The following KLHDC2 variants were observed in gnomAD, a reference collection of about 807,000 sequenced individuals.
KLHDC2 encodes the protein kelch domain-containing protein 2.
Under a neutral mutation model 62.3 loss-of-function variants are expected in KLHDC2, and 38 were observed. The ratio of observed to expected loss-of-function variants is 0.61; its 90% CI spans 0.47 to 0.80. The LOEUF is 0.80. Ranked by LOEUF, KLHDC2 falls within the 30% of genes least tolerant of loss-of-function variation. KLHDC2 has a pLI of 0.00. For synonymous variants in KLHDC2, 159 were observed against 161.0 expected (o/e 0.99, Z 0.09); for missense variants, 430 against 495.3 (o/e 0.87, Z 1.25).
intron 1 of KLHDC2, among the ~76,000 whole-genome samples, chr14:49,770,309 C>G (rs1889636140): frequency 6.6e-6 from 1 of 152,142 alleles, no homozygotes; most frequent in African/African-American, 2.4e-5. Flanking sequence ...GAGATTGTTT[C>G]AAAGGCAATA....
intron 1 of KLHDC2, chr14:49,768,964 A>G: frequency 4.2e-6 from 1 of 240,784 alleles, no homozygotes; most frequent in Non-Finnish European, 8.0e-6. Context: ...GGGGTGTGAA[A>G]GGTGACGGTG....
At chr14:49,769,739 CCAGCCTGGCCAACAT>C (rs2139787530) in intron 1 of KLHDC2, among the ~76,000 whole-genome samples, 1 of 51,860 alleles carries the variant, frequency 1.9e-5, no homozygotes, top group Admixed American at 2.6e-4. Context: ...GAGCTCGAGA[CCAGCCTGGCCAACAT>C]AGTGAAACTC....
At position 49,784,561 on chromosome 14, in the gene KLHDC2, A is replaced by C. The variant is rs1479663106; in HGVS notation, c.*1608A>C. On this transcript the variant is annotated 3_prime_UTR_variant, in exon 13 of 13. Transcript: ENST00000298307. ...TTTTATAATGCGGAAATCCTGATAC[A>C]TGGTGCTTTCATCTTTGAACTTCCA... 1.0e-6 allele frequency: 1 copy of C among 973,124 alleles called. No individual in the cohort carries two copies. The highest frequency in any genetic ancestry group is 1.6e-6 in the Non-Finnish European group (1 of 621,176). 60.3% of individuals were successfully genotyped at this position (973,124 alleles called of 1,614,324 possible).
At chr14:49,776,457 T>C (rs554475490) in intron 3 of KLHDC2, among the ~76,000 whole-genome samples, 1 of 152,350 alleles carries the variant, frequency 6.6e-6, no homozygotes, top group South Asian at 2.1e-4. Flanking sequence ...GAATATTTAA[T>C]CTTTTAAGTA....
At position 49,785,284 on chromosome 14, in the gene KLHDC2, G is replaced by A. The variant is rs771825020; in HGVS notation, c.*2331G>A. ...ATGGCAAACAGTAGTACATCTTCAG[G>A]ATGTGGCTGGCCTGTCAAAGAATCA... is the stretch of plus-strand genomic sequence containing the variant. On this transcript the variant is annotated 3_prime_UTR_variant, in exon 13 of 13. Coordinates refer to ENST00000298307, the MANE Select transcript of KLHDC2 (RefSeq NM_014315.3). 2 of 1,613,956 alleles carry A rather than the reference G, an allele frequency of 1.2e-6. No homozygotes were observed. The highest frequency in any genetic ancestry group is 2.2e-5 in the South Asian group (2 of 91,078).
rs1285033797 is a variant in KLHDC2, at chr14:49,777,855, C to T, written c.368C>T (p.Ser123Leu). 1.3e-6 allele frequency: 2 copies of T among 1,586,478 alleles called. No homozygotes were observed. Among genetic ancestry groups the T allele is most frequent in the African/African-American group, 2.7e-5 (2 of 73,882 alleles). ...TTCTGACAGTTCTACATGCTGGATT[C>T]AAGGTCTACAGACAGAGTGTTACAG... ...GNTNKFYMLD[S>L]RSTDRVLQWE... Residue 123 changes from serine to leucine, a missense_variant, in exon 4 of 13, where the codon TCA becomes TTA. Coordinates refer to ENST00000298307, the MANE Select transcript of KLHDC2 (RefSeq NM_014315.3).
At chr14:49,772,847 T>G (rs1889692253) in intron 2 of KLHDC2, among the ~76,000 whole-genome samples, 1 of 152,102 alleles carries the variant, frequency 6.6e-6, no homozygotes, top group African/African-American at 2.4e-5. Context: ...TCCCAGCTAC[T>G]AGGGAGGCTG....
Position 49,786,322 on chromosome 14 carries a change from G to T in KLHDC2, c.*3369G>T. Reference sequence around the variant, plus strand: ...AGAAATCCCAGAGTTCTTATTTGCTGTGCTGCCTGTGAGATTGCCCCCATT... The same window carrying T: ...AGAAATCCCAGAGTTCTTATTTGCTTTGCTGCCTGTGAGATTGCCCCCATT... On this transcript the variant is annotated 3_prime_UTR_variant, in exon 13 of 13. Transcript: ENST00000298307. 5.6e-6 allele frequency: 1 copy of T among 180,070 alleles called. No individual in the cohort carries two copies. Among genetic ancestry groups the T allele is most frequent in the African/African-American group, 2.4e-5 (1 of 42,042 alleles). The allele number at this position is 180,070 out of a possible 1,614,324, so 11.2% of individuals were successfully genotyped here.
At chr14:49,781,374 A>C (rs1566638163) in intron 10 of KLHDC2, among the ~76,000 whole-genome samples, 3 of 151,862 alleles carry the variant, frequency 2.0e-5, no homozygotes, top group African/African-American at 7.3e-5. Context: ...TGTCTCAAAA[A>C]AAAAAAAAAA....
intron 6 of KLHDC2, among the ~76,000 whole-genome samples, chr14:49,779,168 A>G (rs550983191): frequency 6.6e-6 from 1 of 152,348 alleles, no homozygotes; most frequent in South Asian, 2.1e-4. Context: ...TCAAATTTTC[A>G]GATTTGGAGC....
chr14:49,772,281 A>G (rs1301952844), intron 2 of KLHDC2, among the ~76,000 whole-genome samples: 1 of 152,216 alleles, frequency 6.6e-6, no homozygotes, highest in Non-Finnish European at 1.5e-5. Context: ...GAATAAGGAA[A>G]GGAATTTATA....
intron 6 of KLHDC2, among the ~76,000 whole-genome samples, 184 bp from the exon 7 acceptor site, chr14:49,779,411 A>AAAT (rs1889840442): frequency 6.6e-6 from 1 of 152,252 alleles, no homozygotes. Context: ...CACATTTCAA[A>AAAT]AATAGAAAAT....
chr14:49,783,764 T>A lies in KLHDC2; in HGVS notation c.*811T>A, dbSNP rs948760441. 6.6e-6 allele frequency: 1 copy of A among 152,000 alleles called. No individual in the cohort carries two copies. Among genetic ancestry groups the A allele is most frequent in the Non-Finnish European group, 1.5e-5 (1 of 67,988 alleles). 9.4% of individuals were successfully genotyped at this position (152,000 alleles called of 1,614,324 possible). On this transcript the variant is annotated 3_prime_UTR_variant, in exon 13 of 13. Coordinates refer to ENST00000298307, the MANE Select transcript of KLHDC2 (RefSeq NM_014315.3). ...ACTGAATCAGATTACAAGGAAAAAA[T>A]TAAGATCAAACCTGAAGGTCTACAA...
At chr14:49,775,638 T>C (rs1246076948) in intron 3 of KLHDC2, among the ~76,000 whole-genome samples, 3 of 39,402 alleles carry the variant, frequency 7.6e-5, no homozygotes, top group African/African-American at 8.7e-5. Flanking sequence ...TTTTTTTTTT[T>C]CGGATGGGGA....
rs1161335569 is a variant in KLHDC2 at position 49,784,742 on chromosome 14, C to T, written c.*1789C>T. 2 of 1,567,928 alleles carry T rather than the reference C, an allele frequency of 1.3e-6. No homozygotes were observed. The highest frequency in any genetic ancestry group is 1.4e-5 in the African/African-American group (1 of 73,938). Reference sequence around the variant, plus strand: ...AAAAAAGAAAATTGCTGAATATCTTCACATCCTGTATGGTCAATCATGTTT... The same window carrying T: ...AAAAAAGAAAATTGCTGAATATCTTTACATCCTGTATGGTCAATCATGTTT... On this transcript the variant is annotated 3_prime_UTR_variant, in exon 13 of 13. Transcript: ENST00000298307.
chr14:49,771,590 T>C lies in KLHDC2; in HGVS notation c.154-4T>C, dbSNP rs375541908. The C allele has an allele frequency of 4.7e-5, 63 of 1,333,896 alleles. No homozygotes were observed. Among genetic ancestry groups the C allele is most frequent in the Non-Finnish European group, 6.6e-5 (61 of 930,232 alleles). The allele number at this position is 1,333,896 out of a possible 1,614,324, so 82.6% of individuals were successfully genotyped here. A position where few individuals can be genotyped will look rare whatever the true frequency, so the allele number is the denominator to read the frequency against. ...TTTATATTTACAATTTTTTTTATTC[T>C]TAGAGTAATCAAGTCAGAGGATTAT... On this transcript the variant is annotated splice_region_variant and splice_polypyrimidine_tract_variant and intron_variant, in intron 1 of 12. Transcript: ENST00000298307.
rs137987144 is a variant in KLHDC2 at position 49,781,929 on chromosome 14, T to G, written c.957-441T>G. Among the ~76,000 whole-genome samples the G allele has an allele frequency of 2.8e-4, 43 of 152,354 alleles. 1 individual carries two copies. The highest frequency in any genetic ancestry group is 2.3e-3 in the Admixed American group (35 of 15,306). On this transcript the variant is annotated intron_variant, in intron 10 of 12. Transcript: ENST00000298307. ...TCTAAACCAAGTATAGTCATGCAAGTAAGACTTCATTTGCACAAATGATCT... is the reference window on the plus strand; with the variant it reads ...TCTAAACCAAGTATAGTCATGCAAGGAAGACTTCATTTGCACAAATGATCT...
At chr14:49,773,099 A>C (rs913748016) in intron 2 of KLHDC2, among the ~76,000 whole-genome samples, 3 of 152,084 alleles carry the variant, frequency 2.0e-5, no homozygotes, top group Non-Finnish European at 4.4e-5. Context: ...TTAAAAGCAG[A>C]ATGCTACATA....
At position 49,779,905 on chromosome 14, in the gene KLHDC2, A is replaced by C. The variant is rs1049729782; in HGVS notation, c.773+99A>C. ...AATGTCCTTGCTTAACTTTTCTTTA[A>C]CTATGAAATTAAATAAACATAATTA... On this transcript the variant is annotated intron_variant, in intron 8 of 12. Transcript: ENST00000298307. 1.3e-5 allele frequency: 11 copies of C among 827,786 alleles called. No homozygotes were observed. In the African/African-American group the frequency reaches 1.6e-4, roughly 12 times the overall value. The allele number at this position is 827,786 out of a possible 1,614,324, so 51.3% of individuals were successfully genotyped here. A position where few individuals can be genotyped will look rare whatever the true frequency, so the allele number is the denominator to read the frequency against.
Sources: gnomAD v4.1 joint callset for allele counts (sites outside exome capture counted in the v4.1 genomes callset) on GRCh38, gnomAD v4.1.1 for gene constraint, MANE v1.5 for transcripts, NCBI Gene and HGNC (gene_info 2026-07-23, HGNC 2026-07-21) for gene names.